Variants in GRM7 observed in about 807,000 individuals in gnomAD.
GRM7 encodes metabotropic glutamate receptor 7.
A neutral mutation model predicts 84.5 loss-of-function variants in GRM7; 35 were observed. That is an observed-to-expected ratio of 0.41 (90% CI 0.32 to 0.55). The LOEUF is 0.55. Ranked by LOEUF, GRM7 falls within the 20% of genes least tolerant of loss-of-function variation. The pLI, the probability that GRM7 is intolerant of heterozygous loss-of-function variation, is 0.19. For synonymous variants in GRM7, 487 were observed against 455.1 expected, an observed-to-expected ratio of 1.07 and a Z score of -0.89; for missense variants, 1,003 against 1,194.6, an observed-to-expected ratio of 0.84 and a Z score of 2.36.
At position 7,229,747 on chromosome 3, in the gene GRM7, ATATATATATATAT is replaced by A. The variant is rs1559514624; in HGVS notation, c.737-68935_737-68923del. On this transcript the variant is annotated intron_variant, in intron 2 of 9. Transcript: ENST00000357716. ...CACACATATATATATATATATATAT[ATATATATATATAT>A]TTTTTTTTTTTTTTGGTTGACAGGT... 6.5e-3 allele frequency among the ~76,000 whole-genome samples: 192 copies of A among 29,754 alleles called. 5 individuals carry two copies. Among genetic ancestry groups the A allele is most frequent in the African/African-American group, 0.022 (183 of 8,192 alleles). The allele number at this position is 29,754 out of a possible 152,430, so 19.5% of individuals were successfully genotyped here.
chr3:7,567,630 C>G (rs967978917), intron 7 of GRM7, among the ~76,000 whole-genome samples: 1 of 151,450 alleles, frequency 6.6e-6, no homozygotes, highest in Non-Finnish European at 1.5e-5. Context: ...GCCTGTAATC[C>G]CAGCTACTGG....
At chr3:7,001,312 T>G (rs895505195) in intron 1 of GRM7, among the ~76,000 whole-genome samples, 5 of 152,080 alleles carry the variant, frequency 3.3e-5, no homozygotes, top group African/African-American at 4.8e-5. Flanking sequence ...ATTGTGCAAC[T>G]GCACTCCAAC....
At chr3:7,066,432 G>T (rs1300951280) in intron 1 of GRM7, among the ~76,000 whole-genome samples, 1 of 151,880 alleles carries the variant, frequency 6.6e-6, no homozygotes, top group Non-Finnish European at 1.5e-5. Context: ...AGAGGAGATG[G>T]ATGAATTCCT....
intron 1 of GRM7, among the ~76,000 whole-genome samples, chr3:6,948,878 C>G (rs1698195749): frequency 6.6e-6 from 1 of 152,006 alleles, no homozygotes; most frequent in Admixed American, 6.5e-5. Context: ...AGATTGCAAC[C>G]CCTGCCTTTT....
intron 4 of GRM7, among the ~76,000 whole-genome samples, chr3:7,409,734 G>A (rs1391882792): frequency 6.6e-6 from 1 of 152,094 alleles, no homozygotes; most frequent in Non-Finnish European, 1.5e-5. Flanking sequence ...CCAAGTAGCT[G>A]GGACTACAGG....
chr3:7,688,774 A>G (rs1206699543), intron 9 of GRM7, among the ~76,000 whole-genome samples: 1 of 152,222 alleles, frequency 6.6e-6, no homozygotes, highest in East Asian at 1.9e-4. Context: ...AGTGTCAGGC[A>G]TCATGTTCCA....
At chr3:7,615,900 A>G (rs775822451) in intron 8 of GRM7, among the ~76,000 whole-genome samples, 2 of 151,974 alleles carry the variant, frequency 1.3e-5, no homozygotes, top group African/African-American at 4.8e-5. Flanking sequence ...TATATATTAC[A>G]TATAAGCATA....
chr3:7,164,681 A>G (rs1419680166), intron 2 of GRM7, among the ~76,000 whole-genome samples: 2 of 152,240 alleles, frequency 1.3e-5, no homozygotes, highest in East Asian at 3.9e-4. Flanking sequence ...CAACTAATCT[A>G]AATATAAAGT....
At chr3:7,473,531 A>AGAGAGAGAGAGAGAGAGAGAGAG (rs56720815) in intron 7 of GRM7, among the ~76,000 whole-genome samples, 56 of 146,984 alleles carry the variant, frequency 3.8e-4, no homozygotes, top group Non-Finnish European at 6.8e-4. Flanking sequence ...AGAGAGAGAG[A>AGAGAGAGAGAGAGAGAGAGAGAG]AACACCTTGA....
At chr3:6,920,429 C>A (rs888167914) in intron 1 of GRM7, among the ~76,000 whole-genome samples, 1 of 151,820 alleles carries the variant, frequency 6.6e-6, no homozygotes, top group African/African-American at 2.4e-5. Flanking sequence ...GTGGCATGCA[C>A]AAGTAATCCA....
At chr3:7,229,761 T>TATATA (rs1284337696) in intron 2 of GRM7, among the ~76,000 whole-genome samples, 13 of 25,728 alleles carry the variant, frequency 5.1e-4, no homozygotes, top group South Asian at 1.8e-3. Context: ...ATATATATAT[T>TATATA]TTTTTTTTTT....
intron 8 of GRM7, among the ~76,000 whole-genome samples, chr3:7,611,133 G>T (rs1255759395): frequency 6.6e-6 from 1 of 152,112 alleles, no homozygotes; most frequent in East Asian, 1.9e-4. Flanking sequence ...CATTAGTTAA[G>T]TTTGCTGAGC....
chr3:7,053,167 C>A (rs1302146262), intron 1 of GRM7, among the ~76,000 whole-genome samples: 1 of 149,630 alleles, frequency 6.7e-6, no homozygotes, highest in Admixed American at 6.7e-5. Flanking sequence ...TGTTAAAAAT[C>A]TTTTCATGCA....
intron 1 of GRM7, among the ~76,000 whole-genome samples, chr3:7,046,254 T>C (rs1696803912): frequency 6.6e-6 from 1 of 152,158 alleles, no homozygotes; most frequent in African/African-American, 2.4e-5. Context: ...TTGAATCGAA[T>C]GAGTGTTTTA....
At chr3:7,630,157 T>C in intron 8 of GRM7, among the ~76,000 whole-genome samples, 1 of 152,302 alleles carries the variant, frequency 6.6e-6, no homozygotes, top group South Asian at 2.1e-4. Flanking sequence ...ATGACAAGAA[T>C]GATTTCCAAG....
chr3:7,274,669 G>A (rs1408315518), intron 2 of GRM7, among the ~76,000 whole-genome samples: 4 of 151,900 alleles, frequency 2.6e-5, no homozygotes, highest in Non-Finnish European at 5.9e-5. Context: ...CAGGTACACT[G>A]TTTTTCACCC....
chr3:7,088,087 C>A (rs1030964693), intron 1 of GRM7, among the ~76,000 whole-genome samples: 3 of 152,154 alleles, frequency 2.0e-5, no homozygotes, highest in African/African-American at 7.2e-5. Context: ...AACAGTTATA[C>A]CATGAAAATT....
intron 1 of GRM7, among the ~76,000 whole-genome samples, chr3:6,914,317 T>C (rs1696870258): frequency 6.6e-6 from 1 of 152,206 alleles, no homozygotes; most frequent in Non-Finnish European, 1.5e-5. Context: ...ATTCTAAAAA[T>C]AACTTACTTC....
intron 1 of GRM7, among the ~76,000 whole-genome samples, chr3:6,949,301 T>G (rs971358875): frequency 1.3e-5 from 2 of 152,216 alleles, no homozygotes; most frequent in Non-Finnish European, 2.9e-5. Flanking sequence ...ATTTTATTTT[T>G]CCTTCATTTA....
Sources: gnomAD v4.1 joint callset for allele counts (sites outside exome capture counted in the v4.1 genomes callset) on GRCh38, gnomAD v4.1.1 for gene constraint, MANE v1.5 for transcripts, NCBI Gene and HGNC (gene_info 2026-07-23, HGNC 2026-07-21) for gene names.